The following CCNB3 variants were observed in gnomAD, a reference collection of about 807,000 sequenced individuals.
CCNB3 encodes G2/mitotic-specific cyclin-B3.
CCNB3 carries 12 observed loss-of-function variants against 68.0 expected under a neutral mutation model. That is an observed-to-expected ratio of 0.18 (90% CI 0.11 to 0.29). CCNB3 has a LOEUF of 0.29. CCNB3 is among the 10% of genes least tolerant of loss of function. CCNB3 has a pLI of 1.00. For missense variants in CCNB3, 904 were observed against 993.1 expected, an observed-to-expected ratio of 0.91 and a Z score of 1.21; for synonymous variants, 354 against 388.9, an observed-to-expected ratio of 0.91 and a Z score of 1.06.
intron 8 of CCNB3, among the ~76,000 whole-genome samples, chrX:50,325,113 A>G (rs782025601): frequency 8.1e-5 from 9 of 111,147 alleles, no homozygotes; most frequent in Non-Finnish European, 1.5e-4. Flanking sequence ...TTTTGGCTTA[A>G]TAATTATATA....
chrX:50,227,022 T>A (rs1465164890), intron 1 of CCNB3, among the ~76,000 whole-genome samples: 21 of 76,849 alleles, frequency 2.7e-4, no homozygotes, highest in Non-Finnish European at 4.1e-4. Context: ...ATATAAAATA[T>A]ATATACAAAT....
At chrX:50,279,102 T>A (rs1397531429) in intron 1 of CCNB3, among the ~76,000 whole-genome samples, 1 of 60,169 alleles carries the variant, frequency 1.7e-5, no homozygotes, top group Non-Finnish European at 2.7e-5. Flanking sequence ...TAATATATAT[T>A]CCATATATAA....
At chrX:50,297,361 T>C in intron 5 of CCNB3, among the ~76,000 whole-genome samples, 1 of 111,936 alleles carries the variant, frequency 8.9e-6, no homozygotes, top group Non-Finnish European at 1.9e-5. Context: ...TAGCCAGTTT[T>C]CCCAGCACCA....
intron 8 of CCNB3, among the ~76,000 whole-genome samples, chrX:50,334,454 G>C (rs1252289999): frequency 3.6e-5 from 4 of 112,494 alleles, no homozygotes; most frequent in African/African-American, 1.3e-4. Context: ...ACAGCATGGG[G>C]GGCCTTTATA....
At position 50,309,222 on chromosome X, in the gene CCNB3, C is replaced by A. The variant is rs1557214115; in HGVS notation, c.1053C>A (p.Ala351=). The A allele has an allele frequency of 1.2e-5, 15 of 1,208,275 alleles. No individual in the cohort carries two copies. Among genetic ancestry groups the A allele is most frequent in the Non-Finnish European group, 1.6e-5 (14 of 894,218 alleles). The change falls in exon 6 of 13, where the codon GCC becomes GCA. Residue 351 remains alanine (A), a synonymous_variant. Transcript: ENST00000376042. ...HEMSILKKSL[A]LQKTNFKEDS... Reference sequence around the variant, plus strand: ...TGTCCATCTTGAAGAAATCATTGGCCTTGCAGAAGACCAACTTTAAAGAGG... The same window carrying A: ...TGTCCATCTTGAAGAAATCATTGGCATTGCAGAAGACCAACTTTAAAGAGG...
Position 50,228,018 on chromosome X carries a change from T to C in CCNB3, c.-113+23068T>C, listed in dbSNP as rs1445729959. ...TATATAGAGAATATATATAAATATA[T>C]AGAGAGAATATATATAGAGAGAATA... On this transcript the variant is annotated intron_variant, in intron 1 of 12. Transcript: ENST00000376042. Among the ~76,000 whole-genome samples, 4 of 83,223 alleles carry C rather than the reference T, an allele frequency of 4.8e-5. No homozygotes were observed. The South Asian group carries it at 2.2e-3, about 46-fold the overall frequency. 72.3% of individuals were successfully genotyped at this position (83,223 alleles called of 115,157 possible).
intron 8 of CCNB3, among the ~76,000 whole-genome samples, chrX:50,340,095 A>G (rs1419667086): frequency 3.6e-5 from 4 of 112,209 alleles, no homozygotes; most frequent in African/African-American, 1.3e-4. Flanking sequence ...TAATATGTGT[A>G]TTGCTGAACC....
At chrX:50,282,631 T>C (rs2147017906) in intron 1 of CCNB3, among the ~76,000 whole-genome samples, 1 of 111,748 alleles carries the variant, frequency 8.9e-6, no homozygotes, top group East Asian at 2.8e-4. Flanking sequence ...AGGATCTTTT[T>C]GATAGTGTCA....
chrX:50,309,846 T>C lies in CCNB3; in HGVS notation c.1677T>C (p.Asp559=). Reference sequence around the variant, plus strand: ...ACTTTCAGGATATGATTGGTGAAGATAAGAATTCTTTCTTTATGGAGCCAA... The same window carrying C: ...ACTTTCAGGATATGATTGGTGAAGACAAGAATTCTTTCTTTATGGAGCCAA... ...LLDFQDMIGE[D]KNSFFMEPMS... is the part of the protein sequence containing the mutation. Residue 559 remains aspartate (D), a synonymous_variant, in exon 6 of 13, where the codon GAT becomes GAC. Transcript: ENST00000376042. The C allele has an allele frequency of 2.5e-6, 3 of 1,210,624 alleles. No homozygotes were observed. The highest frequency in any genetic ancestry group is 1.7e-5 in the African/African-American group (1 of 57,892).
intron 8 of CCNB3, among the ~76,000 whole-genome samples, chrX:50,327,311 G>T (rs1013208699): frequency 8.9e-6 from 1 of 112,442 alleles, no homozygotes; most frequent in Non-Finnish European, 1.9e-5. Context: ...ATCTTCAGTA[G>T]TTAAAGGGCT....
intron 1 of CCNB3, among the ~76,000 whole-genome samples, chrX:50,227,761 T>C (rs1344704880): frequency 1.2e-5 from 1 of 86,548 alleles, no homozygotes. Flanking sequence ...AGAGAATATA[T>C]ATAAATATAT....
intron 5 of CCNB3, among the ~76,000 whole-genome samples, chrX:50,298,240 T>C (rs374848115): frequency 9.0e-6 from 1 of 111,584 alleles, no homozygotes. Flanking sequence ...CCAGTTTTTG[T>C]CCATTCAGTA....
At chrX:50,202,995 G>A (rs1393984186), upstream of CCNB3, among the ~76,000 whole-genome samples, 1 of 111,873 alleles carries the variant, frequency 8.9e-6, no homozygotes, top group African/African-American at 3.3e-5. Context: ...TATTCAAATA[G>A]TCAAAGTAAG....
chrX:50,351,546 C>A, intron 12 of CCNB3, 61 bp from the exon 13 acceptor site: 1 of 1,083,576 alleles, frequency 9.2e-7, no homozygotes, highest in Non-Finnish European at 1.3e-6. Context: ...CCCACTTGTT[C>A]CATAGAGCAT....
At chrX:50,305,438 A>G (rs1444582563) in intron 5 of CCNB3, among the ~76,000 whole-genome samples, 1 of 111,111 alleles carries the variant, frequency 9.0e-6, no homozygotes, top group African/African-American at 3.3e-5. Flanking sequence ...TCTCACTCAT[A>G]GGTGGGAATT....
chrX:50,324,329 G>A (rs934312011), intron 8 of CCNB3, among the ~76,000 whole-genome samples: 6 of 112,166 alleles, frequency 5.3e-5, no homozygotes, highest in Non-Finnish European at 1.1e-4. Flanking sequence ...TTACAGGTGT[G>A]AGCCACTGTG....
At chrX:50,226,121 T>C (rs1243761316) in intron 1 of CCNB3, among the ~76,000 whole-genome samples, 1 of 80,427 alleles carries the variant, frequency 1.2e-5, no homozygotes, top group Non-Finnish European at 2.3e-5. Flanking sequence ...AATATATATA[T>C]ATTCGATATA....
Position 50,349,803 on chromosome X carries a change from C to G in CCNB3, c.3961-1438C>G, listed in dbSNP as rs782171796. Among the ~76,000 whole-genome samples the G allele has an allele frequency of 1.7e-4, 19 of 112,055 alleles. No individual in the cohort carries two copies. The South Asian group carries it at 6.9e-3, about 40-fold the overall frequency. On this transcript the variant is annotated intron_variant, in intron 11 of 12. Transcript: ENST00000376042. ...TTGTGGGCTTCTTAGCTCACACCCC[C>G]ACTTCCAGGTAAGCTATTTGGGCTT... is the stretch of plus-strand genomic sequence containing the variant.
chrX:50,351,294 G>T lies in CCNB3; in HGVS notation c.4014G>T (p.Leu1338Phe), dbSNP rs1172964999. ...ACAGTATCTCTGAGCTTCACCCCTT[G>T]GTCAGACAGCTGAACAAACTGCTGA... Reference protein sequence around the residue: ...SGYSISELHPLVRQLNKLLTF... With the variant: ...SGYSISELHPFVRQLNKLLTF... Residue 1338 changes from leucine (L) to phenylalanine (F), a missense_variant, in exon 12 of 13, where the codon TTG (leucine) becomes TTT (phenylalanine). Physicochemically the swap from Leu to Phe is conservative, Grantham distance 22. Transcript: ENST00000376042. 8.3e-7 allele frequency: 1 copy of T among 1,208,325 alleles called. No individual in the cohort carries two copies. Among genetic ancestry groups the T allele is most frequent in the African/African-American group, 1.8e-5 (1 of 57,080 alleles).
Sources: gnomAD v4.1 joint callset for allele counts (sites outside exome capture counted in the v4.1 genomes callset) on GRCh38, gnomAD v4.1.1 for gene constraint, MANE v1.5 for transcripts, NCBI Gene and HGNC (gene_info 2026-07-23, HGNC 2026-07-21) for gene names.